The following RUNX1T1 variants were observed in gnomAD, a reference collection of about 807,000 sequenced individuals.
RUNX1T1 encodes the protein protein CBFA2T1.
In RUNX1T1, 4 loss-of-function variants were observed where a neutral mutation model predicts 62.8. The ratio of observed to expected loss-of-function variants is 0.06; its 90% CI spans 0.03 to 0.15. The LOEUF (loss-of-function observed/expected upper bound fraction) is 0.15, where lower values mean the gene tolerates loss of function less well. Ranked by LOEUF, RUNX1T1 falls within the 10% of genes least tolerant of loss-of-function variation. RUNX1T1 has a pLI of 1.00. For synonymous variants in RUNX1T1, 291 were observed against 286.0 expected, an observed-to-expected ratio of 1.02 and a Z score of -0.18; for missense variants, 508 against 754.3, an observed-to-expected ratio of 0.67 and a Z score of 3.82.
Position 91,979,705 on chromosome 8 carries a change from T to C in RUNX1T1, c.1199-3732A>G, listed in dbSNP as rs909025485. 57 of 370,626 alleles carry C rather than the reference T, an allele frequency of 1.5e-4. 1 individual carries two copies. Among genetic ancestry groups the C allele is most frequent in the Non-Finnish European group, 1.1e-5 (2 of 186,756 alleles). The allele number at this position is 370,626 out of a possible 1,614,324, so 23.0% of individuals were successfully genotyped here. On this transcript the variant is annotated intron_variant, in intron 8 of 10. Coordinates refer to ENST00000396218, the Ensembl canonical transcript of RUNX1T1. ...ACCAGGTCAGAGTGACAGAAAATGG[T>C]GTAAGAAATGTGAAAGAACAGAAAG...
exon 11 of RUNX1T1, chr8:91,959,898 A>G: frequency 3.0e-6 from 1 of 335,280 alleles, no homozygotes; most frequent in Non-Finnish European, 5.6e-6. Flanking sequence ...CTGTTTGGTA[A>G]AGCATCGGTT....
upstream of RUNX1T1, among the ~76,000 whole-genome samples, chr8:92,101,521 C>T (rs28640925): frequency 1.3e-5 from 2 of 152,098 alleles, no homozygotes; most frequent in Non-Finnish European, 1.5e-5. Context: ...CAGACTAGGG[C>T]ACGGTGGAAT....
At chr8:91,983,285 A>AC (rs1458856112) in intron 8 of RUNX1T1, among the ~76,000 whole-genome samples, 3 of 151,252 alleles carry the variant, frequency 2.0e-5, no homozygotes, top group South Asian at 4.2e-4. Context: ...TATTTTACTA[A>AC]CCCCCTATAC....
chr8:91,961,361 G>C (rs1287777067), intron 10 of RUNX1T1, among the ~76,000 whole-genome samples: 3 of 152,224 alleles, frequency 2.0e-5, no homozygotes, highest in African/African-American at 7.2e-5. Flanking sequence ...CAACGGAGCT[G>C]CTCTGCTGCT....
intron 8 of RUNX1T1, among the ~76,000 whole-genome samples, chr8:91,982,047 C>G (rs1243939190): frequency 6.6e-6 from 1 of 151,590 alleles, no homozygotes; most frequent in Non-Finnish European, 1.5e-5. Context: ...GAGTTCAAAA[C>G]CAGACTGGGC....
At chr8:92,022,233 A>G (rs1824255097) in intron 1 of RUNX1T1, among the ~76,000 whole-genome samples, 2 of 152,098 alleles carry the variant, frequency 1.3e-5, no homozygotes, top group Admixed American at 1.3e-4. Context: ...ATCCGTTCAA[A>G]GATATCAAAT....
intron 1 of RUNX1T1, among the ~76,000 whole-genome samples, chr8:92,030,501 C>T (rs945656382): frequency 2.0e-5 from 3 of 152,066 alleles, no homozygotes; most frequent in Non-Finnish European, 4.4e-5. Flanking sequence ...GAAGGGGTTC[C>T]GAAGTTTCTT....
Position 91,991,906 on chromosome 8 carries a change from C to A in RUNX1T1, c.660-17G>T, listed in dbSNP as rs761322862. ...TCTTTGGTTCTAAAGGGGGAAAAAA[C>A]AAGAGTTTGTTTCATCATCTATTCA... On this transcript the variant is annotated splice_polypyrimidine_tract_variant and intron_variant, in intron 5 of 10. Transcript: ENST00000396218. 6.8e-6 allele frequency: 11 copies of A among 1,613,286 alleles called. No homozygotes were observed. Among genetic ancestry groups the A allele is most frequent in the Non-Finnish European group, 8.5e-6 (10 of 1,179,378 alleles).
downstream of RUNX1T1, chr8:91,955,106 C>A (rs1051618619): frequency 6.1e-5 from 13 of 212,760 alleles, no homozygotes; most frequent in Non-Finnish European, 1.2e-4. Context: ...GAGACACATA[C>A]TTTTATAATG....
downstream of RUNX1T1, chr8:91,956,298 G>A (rs936986697): frequency 2.2e-5 from 5 of 231,354 alleles, no homozygotes; most frequent in African/African-American, 8.8e-5. Flanking sequence ...ATCCCCTTAT[G>A]AATGAGCTCG....
chr8:92,090,329 T>C (rs1294390793), intron 1 of RUNX1T1, among the ~76,000 whole-genome samples: 2 of 151,916 alleles, frequency 1.3e-5, no homozygotes, highest in Admixed American at 1.3e-4. Context: ...CCTGGCCAAC[T>C]GGGAAATGCT....
At chr8:92,097,932 AAGTGT>A (rs1837862396) in intron 1 of RUNX1T1, among the ~76,000 whole-genome samples, 1 of 152,260 alleles carries the variant, frequency 6.6e-6, no homozygotes, top group Non-Finnish European at 1.5e-5. Context: ...ATAATCACAG[AAGTGT>A]AAAACAGAAA....
intron 1 of RUNX1T1, among the ~76,000 whole-genome samples, chr8:92,035,098 C>A (rs1827160037): frequency 6.6e-6 from 1 of 151,892 alleles, no homozygotes; most frequent in Non-Finnish European, 1.5e-5. Context: ...AGTTCGAGAC[C>A]AGCCTGGCCA....
At chr8:92,000,297 T>C (rs1819518106) in intron 5 of RUNX1T1, among the ~76,000 whole-genome samples, 1 of 151,872 alleles carries the variant, frequency 6.6e-6, no homozygotes, top group African/African-American at 2.4e-5. Flanking sequence ...TGAAACTTCA[T>C]CTCAAAAAAA....
At chr8:91,967,113 T>C (rs1043120475) in intron 10 of RUNX1T1, among the ~76,000 whole-genome samples, 1 of 152,140 alleles carries the variant, frequency 6.6e-6, no homozygotes, top group African/African-American at 2.4e-5. Context: ...ACTACCTACT[T>C]TGTCAGAGCC....
At chr8:92,003,545 C>T (rs1362939278) in intron 5 of RUNX1T1, among the ~76,000 whole-genome samples, 3 of 152,014 alleles carry the variant, frequency 2.0e-5, no homozygotes, top group Non-Finnish European at 4.4e-5. Context: ...CACTCTCCTC[C>T]ACCCCAACAA....
chr8:92,017,750 C>G, intron 1 of RUNX1T1: 1 of 651,280 alleles, frequency 1.5e-6, no homozygotes, highest in South Asian at 4.5e-5. Context: ...ATAACAAAAA[C>G]CTGAAGTCTG....
intron 9 of RUNX1T1, among the ~76,000 whole-genome samples, chr8:91,972,827 A>G (rs1247243150): frequency 2.6e-5 from 4 of 152,080 alleles, no homozygotes; most frequent in African/African-American, 9.7e-5. Context: ...CCAACTGCAA[A>G]CATTCTCTGA....
chr8:92,062,284 G>A (rs1183764802), intron 1 of RUNX1T1, among the ~76,000 whole-genome samples: 1 of 152,096 alleles, frequency 6.6e-6, no homozygotes, highest in Non-Finnish European at 1.5e-5. Flanking sequence ...ACAAACATCC[G>A]TGGCTGTACG....
Sources: allele counts gnomAD v4.1 joint callset (sites outside exome capture counted in the v4.1 genomes callset), GRCh38; gene constraint gnomAD v4.1.1; transcripts MANE v1.5; gene names NCBI Gene and HGNC (gene_info 2026-07-23, HGNC 2026-07-21).